The following ZNF189 variants were observed in gnomAD, a reference collection of about 807,000 sequenced individuals.
ZNF189 encodes zinc finger protein 189.
In ZNF189, 33 loss-of-function variants were observed where a neutral mutation model predicts 53.5. The observed-to-expected ratio is 0.62, with a 90% confidence interval of 0.47 to 0.82. The LOEUF is 0.82. Ranked by LOEUF, ZNF189 falls within the 40% of genes least tolerant of loss-of-function variation. The pLI is 0.00. For synonymous variants in ZNF189, 247 were observed against 238.8 expected (o/e 1.03, Z -0.32); for missense variants, 711 against 753.9 (o/e 0.94, Z 0.67).
At chr9:101,401,921 A>ATGT (rs1564067125) in intron 2 of ZNF189, among the ~76,000 whole-genome samples, 2 of 149,372 alleles carry the variant, frequency 1.3e-5, no homozygotes, top group Middle Eastern at 3.3e-3. Flanking sequence ...AATAAGTCCC[A>ATGT]TTTTTTTTTT....
rs1175088676 is a variant in ZNF189 at position 101,400,004 on chromosome 9, T to C, written c.154T>C (p.Ser52Pro). The change falls in exon 2 of 3, where the codon TCA (serine) becomes CCA (proline). Residue 52 changes from serine (S) to proline (P), a missense_variant. Ser to Pro is a moderately conservative substitution (Grantham distance 74, BLOSUM62 -1). Coordinates refer to ENST00000339664, the MANE Select transcript of ZNF189 (RefSeq NM_003452.4). The stretch of plus-strand genomic sequence containing the variant: ...GATGGAGAATTATGGAAACCTGGTC[T>C]CACTGGGTAAGAATCTGCTGTTTCT... Reference protein sequence around the residue: ...VMMENYGNLVSLDVLNRDKDE... With the variant: ...VMMENYGNLVPLDVLNRDKDE... 6.2e-7 allele frequency: 1 copy of C among 1,613,970 alleles called. No homozygotes were observed. Among genetic ancestry groups the C allele is most frequent in the African/African-American group, 1.3e-5 (1 of 75,024 alleles).
At position 101,399,176 on chromosome 9, in the gene ZNF189, C is replaced by T. The variant is rs1468948835; in HGVS notation, c.20C>T (p.Pro7Leu). The change falls in exon 1 of 3, where the codon CCG (proline) becomes CTG (leucine). Residue 7 changes from proline to leucine, a missense_variant. By Grantham distance (98) the Pro-to-Leu change is moderately conservative (BLOSUM62 -3). Transcript: ENST00000339664. ...TGGGAGATGGCTTCCCCGAGCCCCC[C>T]GCCGGAGTCGAAGGTAAGTAAGCAC... MASPSPPPESKGLLTFE... is the reference protein window; with the variant it reads MASPSPLPESKGLLTFE... The T allele has an allele frequency of 4.4e-6, 7 of 1,594,928 alleles. No individual in the cohort carries two copies. The highest frequency in any genetic ancestry group is 1.1e-5 in the South Asian group (1 of 90,084).
intron 2 of ZNF189, among the ~76,000 whole-genome samples, chr9:101,403,098 A>ATGTGTGTGTGTGTGTGTG (rs3983733): frequency 2.0e-5 from 3 of 148,676 alleles, no homozygotes; most frequent in African/African-American, 5.0e-5. Flanking sequence ...AGCTGCTGAT[A>ATGTGTGTGTGTGTGTGTG]TGTGTGTGTG....
chr9:101,399,269 C>T, intron 1 of ZNF189, 80 bp downstream of exon 1: 2 of 1,396,714 alleles, frequency 1.4e-6, no homozygotes, highest in Middle Eastern at 1.9e-4. Context: ...CTCCCCCAGG[C>T]CCCCCACCAA....
chr9:101,409,630 A>T lies in ZNF189; in HGVS notation c.1862A>T (p.His621Leu). ...TCTCTTATTCAGCATCAGAAATTGC[A>T]CACAGCATGGATGCAATAAATGTAG... ...RISLIQHQKLHTAWMQ is the reference protein window; with the variant it reads ...RISLIQHQKLLTAWMQ The change falls in exon 3 of 3, where the codon CAC becomes CTC. Residue 621 changes from histidine to leucine, a missense_variant. Physicochemically the swap from His to Leu is moderately conservative, Grantham distance 99. Coordinates refer to ENST00000339664, the MANE Select transcript of ZNF189 (RefSeq NM_003452.4). The T allele has an allele frequency of 6.2e-7, 1 of 1,610,614 alleles. No individual in the cohort carries two copies. The highest frequency in any genetic ancestry group is 8.5e-7 in the Non-Finnish European group (1 of 1,178,796).
intron 2 of ZNF189, among the ~76,000 whole-genome samples, chr9:101,403,893 T>C (rs1830621878): frequency 6.6e-6 from 1 of 152,236 alleles, no homozygotes; most frequent in Non-Finnish European, 1.5e-5. Flanking sequence ...TATAACACTG[T>C]CTTATCTCTT....
chr9:101,399,468 TGA>T, intron 1 of ZNF189: 1 of 1,309,398 alleles, frequency 7.6e-7, no homozygotes, highest in Non-Finnish European at 9.7e-7. Context: ...GTTCTCCAGG[TGA>T]AGCACCATTT....
chr9:101,399,277 C>T, intron 1 of ZNF189, 88 bp downstream of exon 1: 1 of 1,416,062 alleles, frequency 7.1e-7, no homozygotes, highest in Non-Finnish European at 9.5e-7. Flanking sequence ...GGCCCCCCAC[C>T]AACCTCCTGA....
intron 2 of ZNF189, among the ~76,000 whole-genome samples, chr9:101,407,053 C>T (rs1404533431): frequency 6.6e-6 from 1 of 152,154 alleles, no homozygotes; most frequent in African/African-American, 2.4e-5. Context: ...TGAACTCTGA[C>T]CATGTTTCTT....
chr9:101,404,378 A>C (rs932381732), intron 2 of ZNF189, among the ~76,000 whole-genome samples: 3 of 105,212 alleles, frequency 2.9e-5, no homozygotes, highest in Non-Finnish European at 6.1e-5. Context: ...GTGATTTTTG[A>C]TTGGAATGAT....
Position 101,409,744 on chromosome 9 carries a change from A to G in ZNF189, c.*95A>G. 7.1e-7 allele frequency: 1 copy of G among 1,400,336 alleles called. No homozygotes were observed. The highest frequency in any genetic ancestry group is 9.5e-7 in the Non-Finnish European group (1 of 1,055,598). The allele number at this position is 1,400,336 out of a possible 1,614,324, so 86.7% of individuals were successfully genotyped here. On this transcript the variant is annotated 3_prime_UTR_variant, in exon 3 of 3. Transcript: ENST00000339664. ...CATGGGTCAGATTTAGTGATAAAGC[A>G]AATTCTCCTTGGCCTCAGGCAAATA...
intron 2 of ZNF189, among the ~76,000 whole-genome samples, chr9:101,404,356 T>G (rs2118219561): frequency 6.8e-6 from 1 of 147,102 alleles, no homozygotes; most frequent in South Asian, 2.3e-4. Context: ...ATTTACTTTT[T>G]TATTGGTTCA....
chr9:101,406,012 C>T (rs1830697201), intron 2 of ZNF189, among the ~76,000 whole-genome samples: 1 of 149,828 alleles, frequency 6.7e-6, no homozygotes, highest in African/African-American at 2.5e-5. Flanking sequence ...TTGTAGTGAG[C>T]CAAGATCACT....
In ZNF189 at chr9:101,410,244, G is replaced by A. The variant is rs1355279912; in HGVS notation, c.*595G>A. The A allele has an allele frequency of 6.6e-6, 1 of 152,660 alleles. No homozygotes were observed. The highest frequency in any genetic ancestry group is 2.4e-5 in the African/African-American group (1 of 41,454). The allele number at this position is 152,660 out of a possible 1,614,324, so 9.5% of individuals were successfully genotyped here. Reference sequence around the variant, plus strand: ...AATGAGTGGACCATTAACCTTACATGTAAAGATTATGTTAGTAATTAAGAA... The same window carrying A: ...AATGAGTGGACCATTAACCTTACATATAAAGATTATGTTAGTAATTAAGAA... On this transcript the variant is annotated 3_prime_UTR_variant, in exon 3 of 3. Transcript: ENST00000339664.
In ZNF189 at chr9:101,408,097, A is replaced by G. The variant is rs542780528; in HGVS notation, c.329A>G (p.Gln110Arg). ...TFELVGRLDK[Q>R]RGIFLWEIPR... ...GAACTTGTTGGTAGGTTAGATAAACAAAGAGGGATCTTCCTATGGGAAATA... is the reference window on the plus strand; with the variant it reads ...GAACTTGTTGGTAGGTTAGATAAACGAAGAGGGATCTTCCTATGGGAAATA... The change falls in exon 3 of 3, where the codon CAA (glutamine) becomes CGA (arginine). Residue 110 changes from glutamine (Q) to arginine (R), a missense_variant. Coordinates refer to ENST00000339664, the MANE Select transcript of ZNF189 (RefSeq NM_003452.4). 27 of 1,613,944 alleles carry G rather than the reference A, an allele frequency of 1.7e-5. No homozygotes were observed. The South Asian group carries it at 2.3e-4, about 14-fold the overall frequency.
At chr9:101,407,482 C>T (rs531614366) in intron 2 of ZNF189, 2 of 399,654 alleles carry the variant, frequency 5.0e-6, no homozygotes, top group East Asian at 7.1e-5. Context: ...ACCTGTTGGG[C>T]TTAAGTGATC....
chr9:101,403,898 T>C (rs1320080731), intron 2 of ZNF189, among the ~76,000 whole-genome samples: 1 of 152,258 alleles, frequency 6.6e-6, no homozygotes, highest in African/African-American at 2.4e-5. Flanking sequence ...CACTGTCTTA[T>C]CTCTTTTTTC....
In ZNF189 at chr9:101,408,341, T is replaced by TA; in HGVS notation, c.574dup (p.Ile192AsnfsTer2). ...AAAGTTTTAGTCGCAGTTCATTTGT[T>TA]ATTGAACATCAGAGAATTCACACTG... On this transcript the variant is annotated frameshift_variant, in exon 3 of 3. Coordinates refer to ENST00000339664, the MANE Select transcript of ZNF189 (RefSeq NM_003452.4). LOFTEE classifies it high-confidence loss of function. 6.2e-7 allele frequency: 1 copy of TA among 1,614,144 alleles called. No homozygotes were observed. The highest frequency in any genetic ancestry group is 8.5e-7 in the Non-Finnish European group (1 of 1,180,020).
rs566935531 is a variant in ZNF189, at chr9:101,410,007, G to C, written c.*358G>C. On this transcript the variant is annotated 3_prime_UTR_variant, in exon 3 of 3. Transcript: ENST00000339664. Reference sequence around the variant, plus strand: ...AGAATAATGATTCAAAGAGTCTTCTGTCACCATGTCATATTGTGGTTCTTT... The same window carrying C: ...AGAATAATGATTCAAAGAGTCTTCTCTCACCATGTCATATTGTGGTTCTTT... The C allele has an allele frequency of 5.6e-6, 1 of 179,912 alleles. No homozygotes were observed. Among genetic ancestry groups the C allele is most frequent in the East Asian group, 1.6e-4 (1 of 6,426 alleles). The allele number at this position is 179,912 out of a possible 1,614,324, so 11.1% of individuals were successfully genotyped here. A position where few individuals can be genotyped will look rare whatever the true frequency, so the allele number is the denominator to read the frequency against.
Sources: gnomAD v4.1 joint callset for allele counts (sites outside exome capture counted in the v4.1 genomes callset) on GRCh38, gnomAD v4.1.1 for gene constraint, MANE v1.5 for transcripts, NCBI Gene and HGNC (gene_info 2026-07-23, HGNC 2026-07-21) for gene names.